The following ADGRL2 variants were observed in gnomAD, a reference collection of about 807,000 sequenced individuals.
ADGRL2 encodes adhesion G protein-coupled receptor L2, also known as calcium-independent alpha-latrotoxin receptor 2.
A neutral mutation model predicts 157.4 loss-of-function variants in ADGRL2; 44 were observed. That is an observed-to-expected ratio of 0.28 (90% CI 0.22 to 0.36). The LOEUF (loss-of-function observed/expected upper bound fraction) is 0.36. Ranked by LOEUF, ADGRL2 falls within the 10% of genes least tolerant of loss-of-function variation. The probability of loss-of-function intolerance (pLI) is 1.00; values close to 1 mark genes in which losing one functional copy is unlikely to be tolerated. For synonymous variants in ADGRL2, 585 were observed against 624.7 expected (o/e 0.94, Z 0.95); for missense variants, 1,510 against 1,768.9 (o/e 0.85, Z 2.63).
At chr1:81,445,126 C>A (rs1184686495) in intron 2 of ADGRL2, 3 of 152,146 alleles carry the variant, frequency 2.0e-5, no homozygotes, top group African/African-American at 7.2e-5. Flanking sequence ...ACAATAGCTT[C>A]AATTATGATA....
At chr1:81,691,670 G>A (rs1226900622) in intron 3 of ADGRL2, among the ~76,000 whole-genome samples, 1 of 151,448 alleles carries the variant, frequency 6.6e-6, no homozygotes, top group East Asian at 2.0e-4. Flanking sequence ...AGCTAATTTT[G>A]TATTTTTTAA....
intron 1 of ADGRL2, among the ~76,000 whole-genome samples, chr1:81,718,297 C>T (rs968184080): frequency 6.6e-6 from 1 of 152,136 alleles, no homozygotes; most frequent in Non-Finnish European, 1.5e-5. Context: ...GGATTACAGG[C>T]GTGAGCCACC....
At chr1:81,746,797 C>T (rs1056719842) in intron 1 of ADGRL2, among the ~76,000 whole-genome samples, 3 of 150,728 alleles carry the variant, frequency 2.0e-5, no homozygotes, top group Admixed American at 2.0e-4. Flanking sequence ...GGCCATTATT[C>T]TCTCTGAGAA....
At chr1:81,923,132 TC>T (rs2095027202) in intron 3 of ADGRL2, among the ~76,000 whole-genome samples, 2 of 152,190 alleles carry the variant, frequency 1.3e-5, no homozygotes, top group Non-Finnish European at 1.5e-5. Flanking sequence ...TGCTTTCTTA[TC>T]AGCTACTTCC....
chr1:81,863,726 G>C (rs1166272196), intron 2 of ADGRL2, among the ~76,000 whole-genome samples: 1 of 152,148 alleles, frequency 6.6e-6, no homozygotes, highest in Non-Finnish European at 1.5e-5. Context: ...GCAAGCTACA[G>C]AATAAAAGAG....
At chr1:81,552,605 G>GAAAAAAAAA (rs35795177) in intron 2 of ADGRL2, among the ~76,000 whole-genome samples, 1 of 103,984 alleles carries the variant, frequency 9.6e-6, no homozygotes, top group Non-Finnish European at 1.9e-5. Context: ...ACTTTACTTA[G>GAAAAAAAAA]AAAAAAAAAA....
In ADGRL2 at chr1:81,966,336, CTTATT is replaced by C. The variant is rs1433694262; in HGVS notation, c.2144-63_2144-59del. 6 of 1,533,096 alleles carry C rather than the reference CTTATT, an allele frequency of 3.9e-6. No homozygotes were observed. The Admixed American group carries it at 1.0e-4, about 26-fold the overall frequency. 95.0% of individuals were successfully genotyped at this position (1,533,096 alleles called of 1,614,324 possible). ...TGCCTTAGGACTTCATCATTTTATT[CTTATT>C]TTATCTTAGTTTATTAACAAGCATG... On this transcript the variant is annotated intron_variant, in intron 12 of 23. Coordinates refer to ENST00000686636, the MANE Select transcript of ADGRL2 (RefSeq NM_001366006.2).
chr1:81,666,802 C>T (rs1165930905), intron 3 of ADGRL2, among the ~76,000 whole-genome samples: 1 of 152,210 alleles, frequency 6.6e-6, no homozygotes, highest in African/African-American at 2.4e-5. Flanking sequence ...AGGGCTGTGA[C>T]TAACCATTGG....
At chr1:81,359,981 T>C (rs1337180639) in intron 1 of ADGRL2, among the ~76,000 whole-genome samples, 2 of 152,028 alleles carry the variant, frequency 1.3e-5, no homozygotes, top group Non-Finnish European at 2.9e-5. Flanking sequence ...AATAATCTAT[T>C]CTCGCACAGC....
intron 2 of ADGRL2, among the ~76,000 whole-genome samples, chr1:81,843,296 C>T (rs1055567089): frequency 5.3e-5 from 8 of 152,006 alleles, no homozygotes; most frequent in Non-Finnish European, 1.2e-4. Context: ...CCACGCCTGG[C>T]TAATTTTTGT....
At chr1:81,544,761 A>G (rs10157210) in intron 2 of ADGRL2, among the ~76,000 whole-genome samples, 42,309 of 152,062 alleles carry the variant, frequency 0.28, 6,061 homozygotes, top group Non-Finnish European at 0.3. Context: ...TAAACTTTTC[A>G]TGGTAAACAA....
At chr1:81,703,355 G>T (rs912369338) in intron 1 of ADGRL2, among the ~76,000 whole-genome samples, 1 of 152,208 alleles carries the variant, frequency 6.6e-6, no homozygotes, top group Non-Finnish European at 1.5e-5. Flanking sequence ...TAGGGGAAAT[G>T]TGTGATTAAT....
At chr1:81,459,276 C>A (rs577504367) in intron 2 of ADGRL2, among the ~76,000 whole-genome samples, 1 of 152,142 alleles carries the variant, frequency 6.6e-6, no homozygotes, top group Non-Finnish European at 1.5e-5. Flanking sequence ...AGGGACCCAT[C>A]CCTGTCTGCC....
intron 2 of ADGRL2, among the ~76,000 whole-genome samples, chr1:81,565,861 A>G (rs548758088): frequency 1.3e-5 from 2 of 152,326 alleles, no homozygotes; most frequent in East Asian, 1.9e-4. Flanking sequence ...AAAACAATCT[A>G]TAAGGATCTA....
At chr1:81,592,019 C>T (rs567407721) in intron 3 of ADGRL2, among the ~76,000 whole-genome samples, 3 of 152,248 alleles carry the variant, frequency 2.0e-5, no homozygotes, top group South Asian at 2.1e-4. Context: ...TTTAAGCTGC[C>T]TAACTTGTAA....
intron 2 of ADGRL2, among the ~76,000 whole-genome samples, chr1:81,506,715 A>C (rs556078965): frequency 1.3e-4 from 15 of 113,842 alleles, no homozygotes; most frequent in African/African-American, 6.0e-4. Flanking sequence ...GTCTCAAAAG[A>C]ACAAAACAAA....
intron 3 of ADGRL2, among the ~76,000 whole-genome samples, chr1:81,660,566 T>C (rs1035609364): frequency 6.6e-6 from 1 of 152,182 alleles, no homozygotes; most frequent in African/African-American, 2.4e-5. Flanking sequence ...TGTGACACAG[T>C]AGAAAGGCAT....
At chr1:81,543,461 T>A (rs1274663824) in intron 2 of ADGRL2, among the ~76,000 whole-genome samples, 1 of 152,250 alleles carries the variant, frequency 6.6e-6, no homozygotes, top group Non-Finnish European at 1.5e-5. Flanking sequence ...ATTTCTGCTG[T>A]TTATAAGCCA....
chr1:81,971,755 G>C (rs1658820856), intron 16 of ADGRL2, 97 bp from the exon 17 acceptor site: 1 of 639,844 alleles, frequency 1.6e-6, no homozygotes, highest in Non-Finnish European at 2.8e-6. Flanking sequence ...CAAATGTAAA[G>C]ATAGTTTTGT....
Sources: allele counts gnomAD v4.1 joint callset (sites outside exome capture counted in the v4.1 genomes callset), GRCh38; gene constraint gnomAD v4.1.1; transcripts MANE v1.5; gene names NCBI Gene and HGNC (gene_info 2026-07-23, HGNC 2026-07-21).